The following FHDC1 variants were observed in gnomAD, a reference collection of about 807,000 sequenced individuals.
The protein encoded by FHDC1 is FH2 domain containing 1.
Under a neutral mutation model 52.6 loss-of-function variants are expected in FHDC1, and 25 were observed. The ratio of observed to expected loss-of-function variants is 0.48; its 90% CI spans 0.35 to 0.66. The LOEUF is 0.66. FHDC1 is among the 30% of genes least tolerant of loss of function. The probability of loss-of-function intolerance (pLI) is 0.01; values close to 1 mark genes in which losing one functional copy is unlikely to be tolerated. For synonymous variants in FHDC1, 616 were observed against 581.5 expected, an observed-to-expected ratio of 1.06 and a Z score of -0.85; for missense variants, 1,459 against 1,452.8, an observed-to-expected ratio of 1.00 and a Z score of -0.07.
At chr4:152,929,666 G>A in the FHDC1 span, among the ~76,000 whole-genome samples, 1 of 152,222 alleles carries the variant, frequency 6.6e-6, no homozygotes, top group East Asian at 1.9e-4. This position sits in a 1 kb window ranked among gnomAD's most constrained non-coding sequence, Gnocchi z 4.1. Context: ...GAGCTGCTGA[G>A]GTAGGATTAA....
At chr4:152,920,417 TA>T in the FHDC1 span, among the ~76,000 whole-genome samples, 1 of 152,188 alleles carries the variant, frequency 6.6e-6, no homozygotes, top group East Asian at 1.9e-4. Flanking sequence ...TTGATGCCAA[TA>T]AAAAACTGAG....
At chr4:152,919,556 A>T in the FHDC1 span, among the ~76,000 whole-genome samples, 5 of 152,320 alleles carry the variant, frequency 3.3e-5, no homozygotes, top group African/African-American at 1.2e-4. Context: ...ATTTCTGTGT[A>T]GCCTTTGAAT....
chr4:152,975,293 C>T lies in FHDC1; in HGVS notation c.2002C>T (p.Leu668=), dbSNP rs1213468460. ...AQSPPLSPLA[L]GIKEHELVTG... is the part of the protein sequence containing the mutation. ...GTCCCCTCCTCTCTCGCCATTGGCTCTGGGAATTAAGGAGCATGAGCTGGT... is the reference window on the plus strand; with the variant it reads ...GTCCCCTCCTCTCTCGCCATTGGCTTTGGGAATTAAGGAGCATGAGCTGGT... The change falls in exon 12 of 12, where the codon CTG becomes TTG. Residue 668 remains leucine, a synonymous_variant. Transcript: ENST00000511601. 6.2e-7 allele frequency: 1 copy of T among 1,613,658 alleles called. No individual in the cohort carries two copies. The highest frequency in any genetic ancestry group is 2.2e-5 in the East Asian group (1 of 44,880).
In FHDC1 at chr4:152,978,794, T is replaced by C. The variant is rs1375024372; in HGVS notation, c.*2071T>C. On this transcript the variant is annotated 3_prime_UTR_variant, in exon 12 of 12. Coordinates refer to ENST00000511601, the MANE Select transcript of FHDC1 (RefSeq NM_001371116.1). ...GTTAGAACCTCCCTTCTGCAGACTGTTGCCTGTCATCTAAGCGAATTGGAA... is the reference window on the plus strand; with the variant it reads ...GTTAGAACCTCCCTTCTGCAGACTGCTGCCTGTCATCTAAGCGAATTGGAA... The C allele has an allele frequency of 6.6e-6, 1 of 152,218 alleles. No homozygotes were observed. Among genetic ancestry groups the C allele is most frequent in the Non-Finnish European group, 1.5e-5 (1 of 68,038 alleles). The allele number at this position is 152,218 out of a possible 1,614,324, so 9.4% of individuals were successfully genotyped here. A position where few individuals can be genotyped will look rare whatever the true frequency, so the allele number is the denominator to read the frequency against.
At chr4:152,938,003 T>C (rs570159642) in intron 1 of FHDC1, among the ~76,000 whole-genome samples, 1 of 152,200 alleles carries the variant, frequency 6.6e-6, no homozygotes, top group African/African-American at 2.4e-5. Context: ...AGAAGTGGTG[T>C]CCCAGGACCC....
Position 152,953,631 on chromosome 4 carries a change from T to C in FHDC1, c.560+71T>C. On this transcript the variant is annotated intron_variant, in intron 3 of 11. Coordinates refer to ENST00000511601, the MANE Select transcript of FHDC1 (RefSeq NM_001371116.1). ...CAGCATCAAAGTCTGTGGGTGTGAC[T>C]GAGCTGGAATTCAAATTCCTCACAC... 15 of 1,310,362 alleles carry C rather than the reference T, an allele frequency of 1.1e-5. No homozygotes were observed. In the South Asian group the frequency reaches 1.8e-4, roughly 16 times the overall value. 81.2% of individuals were successfully genotyped at this position (1,310,362 alleles called of 1,614,324 possible).
intron 8 of FHDC1, among the ~76,000 whole-genome samples, chr4:152,963,924 C>A (rs1740375100): frequency 6.6e-6 from 1 of 151,898 alleles, no homozygotes; most frequent in African/African-American, 2.4e-5. Context: ...CATTGAATCA[C>A]TCAGTTGTTT....
the FHDC1 span, among the ~76,000 whole-genome samples, chr4:152,919,840 G>A: frequency 1.3e-5 from 2 of 151,946 alleles, no homozygotes; most frequent in African/African-American, 4.8e-5. Context: ...CTAACTACAG[G>A]CACACAAGGA....
At chr4:152,947,711 T>C (rs1739776191) in intron 2 of FHDC1, among the ~76,000 whole-genome samples, 1 of 152,128 alleles carries the variant, frequency 6.6e-6, no homozygotes, top group Admixed American at 6.5e-5. Flanking sequence ...AGCAGAAATA[T>C]TGAAACACCT....
intron 4 of FHDC1, 45 bp downstream of exon 4, chr4:152,954,364 A>C (rs1228104941): frequency 6.6e-7 from 1 of 1,513,620 alleles, no homozygotes; most frequent in Non-Finnish European, 9.2e-7. Context: ...GAGTGATCAT[A>C]AAAGCTTAAT....
At position 152,943,120 on chromosome 4, in the gene FHDC1, A is replaced by T; in HGVS notation, c.63A>T (p.Ala21=). The part of the protein sequence containing the change: ...SDKENGNIAT[A]PGFMIGQTPP... Reference sequence around the variant, plus strand: ...AAGAAAATGGGAATATTGCCACAGCACCTGGATTCATGATTGGGCAGACAC... The same window carrying T: ...AAGAAAATGGGAATATTGCCACAGCTCCTGGATTCATGATTGGGCAGACAC... The change falls in exon 2 of 12, where the codon GCA becomes GCT. Residue 21 remains alanine, a synonymous_variant. Coordinates refer to ENST00000511601, the MANE Select transcript of FHDC1 (RefSeq NM_001371116.1). The T allele has an allele frequency of 6.2e-7, 1 of 1,614,088 alleles. No individual in the cohort carries two copies.
At chr4:152,919,840 G>T in the FHDC1 span, among the ~76,000 whole-genome samples, 16 of 151,946 alleles carry the variant, frequency 1.1e-4, no homozygotes, top group Admixed American at 9.8e-4. Context: ...CTAACTACAG[G>T]CACACAAGGA....
intron 3 of FHDC1, 86 bp from the exon 4 acceptor site, chr4:152,954,131 T>G: frequency 1.8e-6 from 2 of 1,120,994 alleles, no homozygotes; most frequent in Non-Finnish European, 2.6e-6. Context: ...GGAAGGAGGG[T>G]GGAGGAGATT....
upstream of FHDC1, among the ~76,000 whole-genome samples, chr4:152,932,690 G>T (rs1283351550): frequency 6.6e-6 from 1 of 152,116 alleles, no homozygotes; most frequent in Non-Finnish European, 1.5e-5. Context: ...GAAGAATAAC[G>T]ATTAAAGATT....
chr4:152,952,370 G>A (rs1406295363), intron 2 of FHDC1, among the ~76,000 whole-genome samples: 1 of 152,016 alleles, frequency 6.6e-6, no homozygotes, highest in African/African-American at 2.4e-5. Context: ...CTAAATTGGG[G>A]CTTTTAAATG....
chr4:152,960,633 C>T lies in FHDC1; in HGVS notation c.732C>T (p.Gly244=). ...CTCTGGCAGATTCCTTTCTGTATGG[C>T]TTAATTCAGGTGCCAAAGTAAGGAT... ...KLSLADSFLY[G]LIQVPNYSLR... Residue 244 remains glycine (G), a synonymous_variant, in exon 5 of 12, where the codon GGC becomes GGT. Transcript: ENST00000511601. 4 of 1,614,108 alleles carry T rather than the reference C, an allele frequency of 2.5e-6. No individual in the cohort carries two copies. The highest frequency in any genetic ancestry group is 3.4e-6 in the Non-Finnish European group (4 of 1,180,022).
At position 152,943,151 on chromosome 4, in the gene FHDC1, C is replaced by T. The variant is rs776033763; in HGVS notation, c.94C>T (p.Pro32Ser). 6.2e-7 allele frequency: 1 copy of T among 1,613,968 alleles called. No individual in the cohort carries two copies. The highest frequency in any genetic ancestry group is 1.6e-4 in the Middle Eastern group (1 of 6,062). Residue 32 changes from proline (P) to serine (S), a missense_variant, in exon 2 of 12, where the codon CCA (proline) becomes TCA (serine). By Grantham distance (74) the Pro-to-Ser change is moderately conservative (BLOSUM62 -1). This residue lies in a region of FHDC1 where 513 missense variants were observed against 581.5 expected (regional missense o/e 0.88). Transcript: ENST00000511601. ...ATTCATGATTGGGCAGACACCTCCT[C>T]CAGCACCTCCTCCACCTCCTCCTCC... ...PGFMIGQTPP[P>S]APPPPPPPPP...
chr4:152,936,351 C>T lies in FHDC1; in HGVS notation c.-189C>T, dbSNP rs1739375755. On this transcript the variant is annotated 5_prime_UTR_variant, in exon 1 of 12. Transcript: ENST00000511601. ...GACCGGGAGGAGGCGGCTACGCCGA[C>T]ACAACGGCGGGAGGCTGCAGCGGTC... 6.6e-6 allele frequency: 1 copy of T among 152,278 alleles called. No homozygotes were observed. The highest frequency in any genetic ancestry group is 2.4e-5 in the African/African-American group (1 of 41,442). 9.4% of individuals were successfully genotyped at this position (152,278 alleles called of 1,614,324 possible).
intron 8 of FHDC1, among the ~76,000 whole-genome samples, chr4:152,963,548 G>T (rs1175579942): frequency 6.6e-6 from 1 of 152,052 alleles, no homozygotes; most frequent in Non-Finnish European, 1.5e-5. Context: ...ATACACCTCC[G>T]CAGAAGTTGG....
Sources: allele counts gnomAD v4.1 joint callset (sites outside exome capture counted in the v4.1 genomes callset), GRCh38; gene constraint gnomAD v4.1.1; regional missense constraint gnomAD v4.1.1; non-coding constraint Gnocchi (gnomAD v3.1); transcripts MANE v1.5; gene names NCBI Gene and HGNC (gene_info 2026-07-23, HGNC 2026-07-21).